The following ACACB variants were observed in gnomAD, a reference collection of about 807,000 sequenced individuals.
The protein encoded by ACACB is acetyl-CoA carboxylase 2.
A neutral mutation model predicts 278.8 loss-of-function variants in ACACB; 209 were observed. The observed-to-expected ratio is 0.75, with a 90% CI of 0.67 to 0.84. The LOEUF (loss-of-function observed/expected upper bound fraction) is 0.84. ACACB is among the 40% of genes least tolerant of loss of function. The pLI, the probability that ACACB is intolerant of heterozygous loss-of-function variation, is 0.00. For missense variants in ACACB, 2,850 were observed against 3,269.0 expected (o/e 0.87, Z 3.13); for synonymous variants, 1,174 against 1,285.6 (o/e 0.91, Z 1.86).
chr12:109,255,038 G>T (rs2047189470), intron 44 of ACACB, among the ~76,000 whole-genome samples: 1 of 152,022 alleles, frequency 6.6e-6, no homozygotes, highest in Non-Finnish European at 1.5e-5. Context: ...GCCTCCCAAA[G>T]TGCTGGAATT....
At position 109,265,264 on chromosome 12, in the gene ACACB, C is replaced by G; in HGVS notation, c.7097C>G (p.Thr2366Arg). 1 of 1,612,968 alleles carries G rather than the reference C, an allele frequency of 6.2e-7. No homozygotes were observed. The highest frequency in any genetic ancestry group is 1.1e-5 in the South Asian group (1 of 91,052). Residue 2366 changes from threonine to arginine, a missense_variant, in exon 51 of 53, where the codon ACG becomes AGG. Transcript: ENST00000338432. ...QSMLRRWFVE[T>R]EGAVKAYLWD... ...ATGCTGCGTCGCTGGTTCGTGGAGACGGAGGGGGCTGTCAAGGTGGGCCTG... is the reference window on the plus strand; with the variant it reads ...ATGCTGCGTCGCTGGTTCGTGGAGAGGGAGGGGGCTGTCAAGGTGGGCCTG...
intron 13 of ACACB, 24 bp downstream of exon 13, chr12:109,188,186 CTT>C (rs749073827): frequency 1.2e-6 from 1 of 828,534 alleles, no homozygotes; most frequent in East Asian, 2.9e-5. Flanking sequence ...TCCTTCCTTC[CTT>C]CCTTCCTTCC....
chr12:109,166,909 G>T lies in ACACB; in HGVS notation c.702G>T (p.Lys234Asn), dbSNP rs141887668. The T allele has an allele frequency of 1.6e-5, 26 of 1,614,072 alleles. No homozygotes were observed. In the African/African-American group the frequency reaches 3.3e-4, roughly 21 times the overall value. Residue 234 changes from lysine to asparagine, a missense_variant, in exon 3 of 53, where the codon AAG (lysine) becomes AAT (asparagine). Physicochemically the swap from Lys to Asn is moderately conservative, Grantham distance 94 (BLOSUM62 0). This residue lies in a region of ACACB where 2,265 missense variants were observed against 2,561.3 expected (regional missense o/e 0.88). Coordinates refer to ENST00000338432, the MANE Select transcript of ACACB (RefSeq NM_001093.4). ...TGGTGAAGAGGGGACGGGAACACAA[G>T]AAGCTGGACCTGCACAGAGACTTTA... ...LHLVKRGREH[K>N]KLDLHRDFTV... is the part of the protein sequence containing the mutation.
chr12:109,259,210 C>A (rs892367053), intron 47 of ACACB, 102 bp downstream of exon 47: 55 of 1,396,456 alleles, frequency 3.9e-5, no homozygotes, highest in Non-Finnish European at 4.2e-5. Flanking sequence ...TGCCCATCAT[C>A]ATCTTAGCTG....
intron 4 of ACACB, among the ~76,000 whole-genome samples, chr12:109,169,075 G>A (rs935586542): frequency 2.6e-5 from 4 of 150,956 alleles, no homozygotes; most frequent in Non-Finnish European, 5.9e-5. Flanking sequence ...AATCCAGGAG[G>A]CGGAGGTTGC....
rs1450925393 is a variant in ACACB at position 109,179,132 on chromosome 12, G to C, written c.1482G>C (p.Leu494=). The C allele has an allele frequency of 6.2e-7, 1 of 1,613,922 alleles. No homozygotes were observed. The highest frequency in any genetic ancestry group is 1.7e-5 in the Admixed American group (1 of 59,990). ...GCTCGCCCATCTTTCTCATGAAGCT[G>C]GCCCAGCACGCCCGTCACCTGGAAG... ...IPGSPIFLMK[L]AQHARHLEVQ... is the part of the protein sequence containing the mutation. The change falls in exon 10 of 53, where the codon CTG becomes CTC. Residue 494 remains leucine, a synonymous_variant. Coordinates refer to ENST00000338432, the MANE Select transcript of ACACB (RefSeq NM_001093.4).
In ACACB at chr12:109,250,084, G is replaced by A. The variant is rs1199040454; in HGVS notation, c.5770G>A (p.Glu1924Lys). 1 of 1,612,278 alleles carries A rather than the reference G, an allele frequency of 6.2e-7. No individual in the cohort carries two copies. The highest frequency in any genetic ancestry group is 2.2e-5 in the East Asian group (1 of 44,736). Residue 1924 changes from glutamate to lysine, a missense_variant, in exon 41 of 53, where the codon GAG (glutamate) becomes AAG (lysine). Around this residue, in one of 3 missense-constraint regions of ACACB, gnomAD observed 2,265 missense variants for 2,561.3 expected, o/e 0.88. Transcript: ENST00000338432. ...TGGGGAGTCCTCTCTGGCTTACGAAGAGATCGTCACCATTAGCTTGGTGAG... is the reference window on the plus strand; with the variant it reads ...TGGGGAGTCCTCTCTGGCTTACGAAAAGATCGTCACCATTAGCTTGGTGAG... ...IAGESSLAYE[E>K]IVTISLVTCR... is the part of the protein sequence containing the mutation.
Position 109,253,267 on chromosome 12 carries a change from G to C in ACACB, c.6045+109G>C, listed in dbSNP as rs1022481676. 31 of 1,207,472 alleles carry C rather than the reference G, an allele frequency of 2.6e-5. No individual in the cohort carries two copies. In the South Asian group the frequency reaches 6.3e-4, roughly 25 times the overall value. The allele number at this position is 1,207,472 out of a possible 1,614,324, so 74.8% of individuals were successfully genotyped here. ...GGTGTGGGAGGCTGAGGAGCAGGAAGCACTGCACATGTGGCTGGGGTTGAT... is the reference window on the plus strand; with the variant it reads ...GGTGTGGGAGGCTGAGGAGCAGGAACCACTGCACATGTGGCTGGGGTTGAT... On this transcript the variant is annotated intron_variant, in intron 43 of 52. Coordinates refer to ENST00000338432, the MANE Select transcript of ACACB (RefSeq NM_001093.4).
chr12:109,140,080 T>TA (rs1405647612), intron 2 of ACACB, 22 bp downstream of exon 2: 24 of 1,556,592 alleles, frequency 1.5e-5, no homozygotes, highest in Non-Finnish European at 2.0e-5. Flanking sequence ...TTTCTCCTTG[T>TA]AACTGAGGAG....
At chr12:109,150,799 G>C (rs539290688) in intron 2 of ACACB, among the ~76,000 whole-genome samples, 35 of 152,134 alleles carry the variant, frequency 2.3e-4, no homozygotes, top group Non-Finnish European at 5.0e-4. Flanking sequence ...AAACTAAATT[G>C]TCTATGCATA....
At chr12:109,115,199 C>G (rs993594332), upstream of ACACB, among the ~76,000 whole-genome samples, 2 of 152,268 alleles carry the variant, frequency 1.3e-5, no homozygotes, top group African/African-American at 4.8e-5. Context: ...TTTTCTCACC[C>G]ATATGGTGAA....
At chr12:109,133,520 C>G (rs960952617) in intron 1 of ACACB, among the ~76,000 whole-genome samples, 3 of 152,026 alleles carry the variant, frequency 2.0e-5, no homozygotes, top group South Asian at 2.1e-4. Context: ...CATGAGCCAC[C>G]GTGCCTGGCC....
rs1289851314 is a variant in ACACB at position 109,166,428 on chromosome 12, C to A, written c.654-433C>A. ...TTCAGTTGGGTACAGTGGTTCACGCCTGTAATCCCAATGCTTTGAAAGGCT... is the reference window on the plus strand; with the variant it reads ...TTCAGTTGGGTACAGTGGTTCACGCATGTAATCCCAATGCTTTGAAAGGCT... On this transcript the variant is annotated intron_variant, in intron 2 of 52. Coordinates refer to ENST00000338432, the MANE Select transcript of ACACB (RefSeq NM_001093.4). 2.0e-5 allele frequency among the ~76,000 whole-genome samples: 3 copies of A among 151,760 alleles called. No individual in the cohort carries two copies. The South Asian group carries it at 6.2e-4, about 32-fold the overall frequency.
At chr12:109,145,981 C>A (rs980474016) in intron 2 of ACACB, among the ~76,000 whole-genome samples, 1 of 152,136 alleles carries the variant, frequency 6.6e-6, no homozygotes, top group African/African-American at 2.4e-5. Context: ...TGCACTCCAG[C>A]CTGGGCAACA....
At chr12:109,235,870 A>G (rs1010285831) in intron 33 of ACACB, 1 of 492,906 alleles carries the variant, frequency 2.0e-6, no homozygotes, top group Non-Finnish European at 3.6e-6. Flanking sequence ...ATTGTGATGC[A>G]AGCCTGTGGT....
intron 31 of ACACB, among the ~76,000 whole-genome samples, chr12:109,234,378 G>A (rs570295043): frequency 7.9e-5 from 12 of 152,294 alleles, no homozygotes; most frequent in Non-Finnish European, 1.3e-4. Context: ...GAAACTGGCA[G>A]TTTTAAAATG....
At chr12:109,167,265 A>C in intron 3 of ACACB, 3 of 360,154 alleles carry the variant, frequency 8.3e-6, no homozygotes, top group Non-Finnish European at 1.5e-5. Flanking sequence ...GGTGATCACA[A>C]TGACACCAAA....
intron 9 of ACACB, among the ~76,000 whole-genome samples, chr12:109,176,567 G>A (rs1162727357): frequency 6.6e-6 from 1 of 152,256 alleles, no homozygotes; most frequent in Admixed American, 6.5e-5. Context: ...AGAGGAATGG[G>A]ATATTTTATA....
chr12:109,137,672 A>G (rs73197453), intron 1 of ACACB, among the ~76,000 whole-genome samples: 2,492 of 151,948 alleles, frequency 0.016, 26 homozygotes, highest in Non-Finnish European at 0.02. Flanking sequence ...AAAAAAAAAA[A>G]GGATTTTTAG....
Sources: allele counts gnomAD v4.1 joint callset (sites outside exome capture counted in the v4.1 genomes callset), GRCh38; gene constraint gnomAD v4.1.1; regional missense constraint gnomAD v4.1.1; transcripts MANE v1.5; gene names NCBI Gene and HGNC (gene_info 2026-07-23, HGNC 2026-07-21).